SRGAP3: variants seen among roughly 807,000 people sequenced by gnomAD.
The protein encoded by SRGAP3 is SLIT-ROBO Rho GTPase activating protein 3.
A neutral mutation model predicts 121.1 loss-of-function variants in SRGAP3; 39 were observed. That is an observed-to-expected ratio of 0.32 (90% CI 0.25 to 0.42). The LOEUF (loss-of-function observed/expected upper bound fraction) is 0.42. Ranked by LOEUF, SRGAP3 falls within the 10% of genes least tolerant of loss-of-function variation. The probability of loss-of-function intolerance (pLI) is 1.00; values close to 1 mark genes in which losing one functional copy is unlikely to be tolerated. For missense variants in SRGAP3, 1,213 were observed against 1,470.6 expected (o/e 0.82, Z 2.86); for synonymous variants, 601 against 570.0 (o/e 1.05, Z -0.77).
At chr3:9,214,588 G>A (rs1952553489) in intron 1 of SRGAP3, among the ~76,000 whole-genome samples, 1 of 152,160 alleles carries the variant, frequency 6.6e-6, no homozygotes, top group Non-Finnish European at 1.5e-5. Flanking sequence ...AAGAAAATAG[G>A]AAGCTATGAA....
intron 3 of SRGAP3, among the ~76,000 whole-genome samples, chr3:9,263,039 A>C (rs368622163): frequency 6.6e-6 from 1 of 152,338 alleles, no homozygotes; most frequent in East Asian, 1.9e-4. Flanking sequence ...AGTGCAATCA[A>C]ATTAGAACTC....
intron 1 of SRGAP3, among the ~76,000 whole-genome samples, chr3:9,144,461 G>A (rs758366417): frequency 4.6e-5 from 7 of 152,182 alleles, no homozygotes; most frequent in Non-Finnish European, 1.0e-4. Flanking sequence ...ATATGGTTTG[G>A]CTGTGTCTCC....
intron 4 of SRGAP3, among the ~76,000 whole-genome samples, chr3:9,068,182 G>A (rs977443193): frequency 3.3e-5 from 5 of 151,962 alleles, no homozygotes; most frequent in Non-Finnish European, 2.9e-5. Flanking sequence ...TGCTTGCCTC[G>A]CCACGAATCT....
At chr3:9,114,918 A>G (rs770075346) in intron 2 of SRGAP3, among the ~76,000 whole-genome samples, 3 of 152,182 alleles carry the variant, frequency 2.0e-5, no homozygotes, top group Non-Finnish European at 2.9e-5. Flanking sequence ...GCATCATCTC[A>G]TTGCACCTTC....
chr3:9,086,600 TACAC>T (rs991231490), intron 3 of SRGAP3, among the ~76,000 whole-genome samples: 23 of 149,672 alleles, frequency 1.5e-4, no homozygotes, highest in African/African-American at 5.4e-4. Context: ...TATATATAGG[TACAC>T]ACATATCTAC....
chr3:9,322,622 T>C (rs1205414440), intron 3 of SRGAP3, among the ~76,000 whole-genome samples: 1 of 151,818 alleles, frequency 6.6e-6, no homozygotes, highest in Admixed American at 6.5e-5. Flanking sequence ...GCAAGGGATG[T>C]AGGTTGCATG....
chr3:9,017,797 T>C (rs1210677848), intron 14 of SRGAP3, among the ~76,000 whole-genome samples: 1 of 152,234 alleles, frequency 6.6e-6, no homozygotes, highest in Non-Finnish European at 1.5e-5. Flanking sequence ...TGTATAATGA[T>C]CAAGTCAGGG....
chr3:8,991,178 G>C (rs1006448347), intron 20 of SRGAP3, among the ~76,000 whole-genome samples: 1 of 152,194 alleles, frequency 6.6e-6, no homozygotes, highest in African/African-American at 2.4e-5. Flanking sequence ...GTGATGGTTA[G>C]TTGGGCTCAT....
At chr3:9,047,270 C>T (rs1945335527) in intron 10 of SRGAP3, 121 bp downstream of exon 10, 3 of 1,008,560 alleles carry the variant, frequency 3.0e-6, no homozygotes, top group African/African-American at 1.6e-5. Flanking sequence ...CTGGTAAGTC[C>T]AGGTTCATTC....
chr3:8,999,410 G>C (rs487865), intron 18 of SRGAP3, among the ~76,000 whole-genome samples: 95,916 of 152,088 alleles, frequency 0.63, 31,926 homozygotes, highest in African/African-American at 0.86. Flanking sequence ...GGACATTTAT[G>C]CTTCTCTACC....
intron 1 of SRGAP3, among the ~76,000 whole-genome samples, chr3:9,225,152 G>A (rs1251129873): frequency 6.6e-6 from 1 of 152,200 alleles, no homozygotes; most frequent in Non-Finnish European, 1.5e-5. Context: ...TGAGCCTGGA[G>A]TGAGGGGCCT....
At position 9,075,390 on chromosome 3, in the gene SRGAP3, T is replaced by TGTGTGTGTGCGC. The variant is rs1454621766; in HGVS notation, c.486+4634_486+4635insGCGCACACACAC. Among the ~76,000 whole-genome samples, 653 of 148,606 alleles carry TGTGTGTGTGCGC rather than the reference T, an allele frequency of 4.4e-3. 3 individuals carry two copies. The highest frequency in any genetic ancestry group is 0.016 in the African/African-American group (629 of 38,394). On this transcript the variant is annotated intron_variant, in intron 4 of 21. Transcript: ENST00000383836. ...ATGTATGCAAGTGTGTGTGTGTGTG[T>TGTGTGTGTGCGC]GCGCGCGCACATATGTGCATAAACA...
intron 3 of SRGAP3, among the ~76,000 whole-genome samples, chr3:9,315,113 CG>C (rs900474687): frequency 6.6e-6 from 1 of 152,176 alleles, no homozygotes; most frequent in African/African-American, 2.4e-5. Flanking sequence ...ATGACATCAT[CG>C]GGACTATGTT....
At chr3:9,320,253 T>G (rs1002626154) in intron 3 of SRGAP3, among the ~76,000 whole-genome samples, 1 of 151,770 alleles carries the variant, frequency 6.6e-6, no homozygotes, top group Non-Finnish European at 1.5e-5. Context: ...GAGAAGGAAG[T>G]AGGGCTAAAA....
At chr3:9,282,792 G>A (rs1377254496) in intron 3 of SRGAP3, among the ~76,000 whole-genome samples, 1 of 151,878 alleles carries the variant, frequency 6.6e-6, no homozygotes, top group East Asian at 2.0e-4. Context: ...ATGATATATT[G>A]TTTTGATTGA....
intron 3 of SRGAP3, among the ~76,000 whole-genome samples, chr3:9,082,513 A>T (rs1368732213): frequency 6.6e-6 from 1 of 152,258 alleles, no homozygotes; most frequent in Non-Finnish European, 1.5e-5. Flanking sequence ...TGTGAGAAAT[A>T]CATTTCTGTT....
chr3:9,015,712 G>A lies in SRGAP3; in HGVS notation c.1698C>T (p.Asp566=), dbSNP rs141284390. Residue 566 remains aspartate (D), a synonymous_variant, in exon 15 of 22, where the codon GAC becomes GAT. Coordinates refer to ENST00000383836, the MANE Select transcript of SRGAP3 (RefSeq NM_014850.4). ...SFERGEDPLV[D]DQNERDINSV... is the part of the protein sequence containing the mutation. ...AATTGATATCTCGTTCATTTTGATC[G>A]TCCACAAGGGGGTCTTCACCTGAGT... 1,489 of 1,614,076 alleles carry A rather than the reference G, an allele frequency of 9.2e-4. 1 individual carries two copies. The highest frequency in any genetic ancestry group is 1.2e-3 in the Non-Finnish European group (1,376 of 1,180,024).
intron 18 of SRGAP3, among the ~76,000 whole-genome samples, chr3:9,006,471 T>C (rs1943086913): frequency 6.6e-6 from 1 of 150,712 alleles, no homozygotes; most frequent in African/African-American, 2.4e-5. Flanking sequence ...ATAAATCAAC[T>C]AATGTCATTT....
chr3:9,329,674 C>G (rs930927840), intron 2 of SRGAP3, among the ~76,000 whole-genome samples: 1 of 152,198 alleles, frequency 6.6e-6, no homozygotes. Context: ...GAGGCCAGAG[C>G]AAGACCCATT....
Sources: gnomAD v4.1 joint callset for allele counts (sites outside exome capture counted in the v4.1 genomes callset) on GRCh38, gnomAD v4.1.1 for gene constraint, MANE v1.5 for transcripts, NCBI Gene and HGNC (gene_info 2026-07-23, HGNC 2026-07-21) for gene names.